The following SCN9A variants were observed in gnomAD, a reference collection of about 807,000 sequenced individuals.
SCN9A encodes the protein sodium voltage-gated channel alpha subunit 9.
In SCN9A, 131 loss-of-function variants were observed where a neutral mutation model predicts 187.0. The ratio of observed to expected loss-of-function variants is 0.70; its 90% CI spans 0.61 to 0.81. SCN9A has a LOEUF of 0.81. SCN9A is among the 30% of genes least tolerant of loss of function. The probability of loss-of-function intolerance (pLI) is 0.00; values close to 1 mark genes in which losing one functional copy is unlikely to be tolerated. For missense variants in SCN9A, 2,252 were observed against 2,396.6 expected (o/e 0.94, Z 1.26); for synonymous variants, 809 against 808.6 (o/e 1.00, Z -0.01).
chr2:166,276,837 T>C (rs1697255457), intron 16 of SCN9A, 146 bp downstream of exon 16: 1 of 672,976 alleles, frequency 1.5e-6, no homozygotes, highest in African/African-American at 1.9e-5. Flanking sequence ...TCTTTCCTGT[T>C]CTTTCTTGTA....
chr2:166,271,107 A>C (rs970149738), intron 17 of SCN9A, among the ~76,000 whole-genome samples: 9 of 152,060 alleles, frequency 5.9e-5, no homozygotes, highest in Non-Finnish European at 1.0e-4. Context: ...GTTCTCAATG[A>C]ATTTACAGTA....
At chr2:166,280,149 T>C (rs1697411528) in intron 14 of SCN9A, among the ~76,000 whole-genome samples, 1 of 152,148 alleles carries the variant, frequency 6.6e-6, no homozygotes, top group African/African-American at 2.4e-5. Context: ...ATAGAAATAG[T>C]ATTGTTATTT....
In SCN9A at chr2:166,284,681, C is replaced by G. The variant is rs755931870; in HGVS notation, c.1746G>C (p.Glu582Asp). 1.2e-6 allele frequency: 2 copies of G among 1,614,010 alleles called. No individual in the cohort carries two copies. Among genetic ancestry groups the G allele is most frequent in the Non-Finnish European group, 1.7e-6 (2 of 1,179,882 alleles). ...GCACAAACAGTGAGCCCCTTCTGCT[C>G]TCATTGTCTCCAAAAATGCTGTGCT... ...DDEHSIFGDN[E>D]SRRGSLFVPH... The change falls in exon 12 of 27, where the codon GAG (glutamate) becomes GAC (aspartate). Residue 582 changes from glutamate (E) to aspartate (D), a missense_variant. Coordinates refer to ENST00000642356, the MANE Select transcript of SCN9A (RefSeq NM_001365536.1).
intron 16 of SCN9A, chr2:166,276,280 A>G (rs1697233019): frequency 6.6e-6 from 1 of 152,212 alleles, no homozygotes; most frequent in African/African-American, 2.4e-5. Flanking sequence ...GCCAAATGAT[A>G]AATATTTTAG....
At chr2:166,227,940 T>A (rs893479700) in intron 22 of SCN9A, among the ~76,000 whole-genome samples, 2 of 152,184 alleles carry the variant, frequency 1.3e-5, no homozygotes, top group Admixed American at 1.3e-4. Context: ...TTCTAAATTG[T>A]TACAGTTGCC....
chr2:166,294,509 A>G, intron 8 of SCN9A, 90 bp downstream of exon 8: 1 of 853,382 alleles, frequency 1.2e-6, no homozygotes, highest in African/African-American at 1.7e-5. Context: ...AAAAAGCAAT[A>G]TAGAATCAAA....
chr2:166,232,338 T>A (rs1181394574), intron 21 of SCN9A, among the ~76,000 whole-genome samples: 1 of 152,220 alleles, frequency 6.6e-6, no homozygotes, highest in African/African-American at 2.4e-5. Context: ...TAAGTGCAAA[T>A]TAAGTAAACT....
Position 166,204,136 on chromosome 2 carries a change from G to T in SCN9A, c.4593C>A (p.Thr1531=), listed in dbSNP as rs1693677787. The change falls in exon 26 of 27, where the codon ACC becomes ACA. Residue 1531 remains threonine, a synonymous_variant. Coordinates refer to ENST00000642356, the MANE Select transcript of SCN9A (RefSeq NM_001365536.1). ...IMVLICLNMV[T]MMVEKEGQSQ... is the part of the protein sequence containing the mutation. ...TTTGACCCTCCTTTTCTACCATCAT[G>T]GTTACCATGTTGAGACAGATAAGAA... 1 of 1,612,460 alleles carries T rather than the reference G, an allele frequency of 6.2e-7. No individual in the cohort carries two copies. Among genetic ancestry groups the T allele is most frequent in the Non-Finnish European group, 8.5e-7 (1 of 1,178,902 alleles).
At chr2:166,374,780 A>T (rs1380619031) in intron 1 of SCN9A, among the ~76,000 whole-genome samples, 1 of 152,156 alleles carries the variant, frequency 6.6e-6, no homozygotes. Context: ...TCAGTAACTG[A>T]CAAGCTATCA....
intron 7 of SCN9A, among the ~76,000 whole-genome samples, chr2:166,295,250 G>C (rs1279308280): frequency 6.6e-6 from 1 of 152,232 alleles, no homozygotes; most frequent in Non-Finnish European, 1.5e-5. Context: ...TGTGATGGCA[G>C]AGGTAGGCAG....
At chr2:166,358,649 A>G (rs1235823439) in intron 1 of SCN9A, among the ~76,000 whole-genome samples, 2 of 152,148 alleles carry the variant, frequency 1.3e-5, no homozygotes. Flanking sequence ...TTTTAAAAGC[A>G]TCTACATTTT....
At chr2:166,340,902 C>G (rs1699770901) in intron 1 of SCN9A, among the ~76,000 whole-genome samples, 2 of 152,100 alleles carry the variant, frequency 1.3e-5, no homozygotes, top group Admixed American at 1.3e-4. Flanking sequence ...GGATTGCAGG[C>G]ATGAGCCGTC....
At chr2:166,241,290 GC>G (rs1695556189) in intron 19 of SCN9A, among the ~76,000 whole-genome samples, 2 of 152,026 alleles carry the variant, frequency 1.3e-5, no homozygotes, top group African/African-American at 4.8e-5. Flanking sequence ...GTCAGCGTCA[GC>G]AGGAAAAATG....
intron 24 of SCN9A, 50 bp from the exon 25 acceptor site, chr2:166,204,514 T>C (rs1210960958): frequency 1.7e-6 from 2 of 1,168,516 alleles, no homozygotes; most frequent in Non-Finnish European, 1.2e-6. Context: ...AATCATTGTC[T>C]ACATCTTTCT....
At chr2:166,324,736 A>T (rs1008710369) in intron 1 of SCN9A, among the ~76,000 whole-genome samples, 5 of 152,158 alleles carry the variant, frequency 3.3e-5, no homozygotes, top group African/African-American at 1.2e-4. Flanking sequence ...GAAAAATATC[A>T]GACAAATACC....
chr2:166,213,205 G>A (rs572674706), intron 24 of SCN9A, among the ~76,000 whole-genome samples: 33 of 151,508 alleles, frequency 2.2e-4, no homozygotes, highest in African/African-American at 7.2e-4. Context: ...TGGTTTTTTC[G>A]AAAGATAAAA....
chr2:166,199,986 T>A, intron 26 of SCN9A, 122 bp from the exon 27 acceptor site: 1 of 313,312 alleles, frequency 3.2e-6, no homozygotes, highest in East Asian at 5.3e-5. Context: ...TTTTTTTTTT[T>A]TTTTTTTTTT....
At chr2:166,253,981 A>G (rs1247672503) in intron 17 of SCN9A, among the ~76,000 whole-genome samples, 1 of 151,826 alleles carries the variant, frequency 6.6e-6, no homozygotes, top group East Asian at 1.9e-4. Flanking sequence ...AACATCAATA[A>G]TTGGTTTTCT....
At chr2:166,369,250 G>C (rs1700493772) in intron 1 of SCN9A, among the ~76,000 whole-genome samples, 1 of 151,676 alleles carries the variant, frequency 6.6e-6, no homozygotes, top group Admixed American at 6.6e-5. Context: ...ATTTGACTAA[G>C]ACCACATACT....
Sources: gnomAD v4.1 joint callset for allele counts (sites outside exome capture counted in the v4.1 genomes callset) on GRCh38, gnomAD v4.1.1 for gene constraint, MANE v1.5 for transcripts, NCBI Gene and HGNC (gene_info 2026-07-23, HGNC 2026-07-21) for gene names.